Variants in GRIK1 observed in about 807,000 individuals in gnomAD.
GRIK1 encodes glutamate receptor ionotropic, kainate 1.
Under a neutral mutation model 105.7 loss-of-function variants are expected in GRIK1, and 69 were observed. That is an observed-to-expected ratio of 0.65 (90% CI 0.54 to 0.80). The LOEUF is 0.80. Among genes scored for constraint, GRIK1 ranks in the 30% least tolerant of loss-of-function variants. GRIK1 has a pLI of 0.00. For synonymous variants in GRIK1, 438 were observed against 431.3 expected (o/e 1.02, Z -0.19); for missense variants, 1,109 against 1,167.3 (o/e 0.95, Z 0.73).
At chr21:29,846,463 GAGAAAGAAAGAAAGAAAGAAAGAAAGAA>G (rs56303585) in intron 1 of GRIK1, among the ~76,000 whole-genome samples, 21 of 127,986 alleles carry the variant, frequency 1.6e-4, no homozygotes, top group Admixed American at 3.1e-4. Flanking sequence ...GAAAGAGAGA[GAGAAAGAAAGAAAGAAAGAAAGAAAGAA>G]AGAAAGAAAG....
chr21:29,816,652 G>T (rs1020077481), intron 1 of GRIK1, among the ~76,000 whole-genome samples: 4 of 152,096 alleles, frequency 2.6e-5, no homozygotes, highest in Non-Finnish European at 5.9e-5. Context: ...AACATGGATA[G>T]AACTGGAGGT....
At chr21:29,681,214 C>G (rs2063368290) in intron 3 of GRIK1, among the ~76,000 whole-genome samples, 1 of 152,222 alleles carries the variant, frequency 6.6e-6, no homozygotes, top group South Asian at 2.1e-4. Flanking sequence ...CACTGGAGGT[C>G]TTGGAATGTA....
intron 1 of GRIK1, among the ~76,000 whole-genome samples, chr21:29,896,466 T>C (rs1209438280): frequency 1.3e-5 from 2 of 152,196 alleles, no homozygotes; most frequent in Non-Finnish European, 2.9e-5. Flanking sequence ...ATTTTGTCTG[T>C]CTTGTTCCCT....
chr21:29,771,126 T>C (rs186132164), intron 1 of GRIK1, among the ~76,000 whole-genome samples: 2 of 152,344 alleles, frequency 1.3e-5, no homozygotes, highest in East Asian at 3.9e-4. Flanking sequence ...TTTTTAAACA[T>C]TTGAGGTTTT....
chr21:29,890,651 A>T (rs531025854), intron 1 of GRIK1, among the ~76,000 whole-genome samples: 1 of 152,298 alleles, frequency 6.6e-6, no homozygotes, highest in South Asian at 2.1e-4. Flanking sequence ...TTCAGAATTA[A>T]GACTTCAGTA....
At chr21:29,678,631 A>G (rs540949044) in intron 3 of GRIK1, among the ~76,000 whole-genome samples, 9 of 152,328 alleles carry the variant, frequency 5.9e-5, no homozygotes, top group Non-Finnish European at 1.0e-4. Context: ...AGGGTAGAAA[A>G]AAGTGAGTAC....
intron 7 of GRIK1, 64 bp downstream of exon 7, chr21:29,642,762 T>C: frequency 6.7e-7 from 1 of 1,481,912 alleles, no homozygotes; most frequent in Admixed American, 1.7e-5. Context: ...GGGAGGACCA[T>C]ACCAAATGGG....
chr21:29,838,539 C>T (rs149475509), intron 1 of GRIK1, among the ~76,000 whole-genome samples: 3,828 of 152,272 alleles, frequency 0.025, 67 homozygotes, highest in Non-Finnish European at 0.041. Flanking sequence ...GTTCTGGCTC[C>T]TAGTTTAACT....
At chr21:29,722,696 A>G (rs572877657) in intron 1 of GRIK1, among the ~76,000 whole-genome samples, 3 of 152,256 alleles carry the variant, frequency 2.0e-5, no homozygotes, top group Admixed American at 1.3e-4. Context: ...TGTAACATAC[A>G]TTATATACAA....
chr21:29,753,803 G>A (rs981888758), intron 1 of GRIK1, among the ~76,000 whole-genome samples: 3 of 152,172 alleles, frequency 2.0e-5, no homozygotes, highest in African/African-American at 7.2e-5. Flanking sequence ...AAGTCTGTGT[G>A]CCTCAGAAGA....
intron 1 of GRIK1, among the ~76,000 whole-genome samples, chr21:29,717,443 G>T (rs1569009490): frequency 1.3e-5 from 2 of 152,358 alleles, no homozygotes; most frequent in East Asian, 1.9e-4. Flanking sequence ...AGCCAGAGGG[G>T]CAAGTTATCC....
chr21:29,869,795 C>G (rs1310896151), intron 1 of GRIK1, among the ~76,000 whole-genome samples: 1 of 152,136 alleles, frequency 6.6e-6, no homozygotes, highest in Non-Finnish European at 1.5e-5. Flanking sequence ...ATTAAAAAAT[C>G]TATATTCAAA....
chr21:29,735,654 T>C (rs980588722), intron 1 of GRIK1, among the ~76,000 whole-genome samples: 1 of 152,006 alleles, frequency 6.6e-6, no homozygotes, highest in Non-Finnish European at 1.5e-5. Flanking sequence ...CCCAGCACTT[T>C]GGGAGGTCGA....
chr21:29,773,721 C>T (rs1331452538), intron 1 of GRIK1, among the ~76,000 whole-genome samples: 6 of 152,228 alleles, frequency 3.9e-5, no homozygotes, highest in African/African-American at 1.4e-4. Flanking sequence ...CATAGCTTAT[C>T]TAGAAAATGA....
chr21:29,820,798 A>G (rs2067280059), intron 1 of GRIK1, among the ~76,000 whole-genome samples: 1 of 152,072 alleles, frequency 6.6e-6, no homozygotes, highest in Non-Finnish European at 1.5e-5. Flanking sequence ...TAATTGATTT[A>G]TTACTAGGCA....
At chr21:29,929,070 A>G (rs758282882) in intron 1 of GRIK1, among the ~76,000 whole-genome samples, 1 of 152,312 alleles carries the variant, frequency 6.6e-6, no homozygotes, top group African/African-American at 2.4e-5. Context: ...CATGCAGCAT[A>G]TCAGTTCATC....
intron 1 of GRIK1, chr21:29,749,010 C>T (rs2065114717): frequency 6.6e-6 from 1 of 152,196 alleles, no homozygotes; most frequent in African/African-American, 2.4e-5. Context: ...CAGCGTGTCC[C>T]TGGAAGCTAC....
chr21:29,803,487 T>C (rs1489657506), intron 1 of GRIK1, among the ~76,000 whole-genome samples: 2 of 152,090 alleles, frequency 1.3e-5, no homozygotes, highest in African/African-American at 2.4e-5. Context: ...GAGAATGCCA[T>C]GTGTTGTGTT....
At chr21:29,659,081 T>G (rs2146592175) in intron 4 of GRIK1, among the ~76,000 whole-genome samples, 1 of 152,358 alleles carries the variant, frequency 6.6e-6, no homozygotes, top group East Asian at 1.9e-4. Flanking sequence ...ATTTTTCATG[T>G]GCTAATGTCA....
Sources: gnomAD v4.1 joint callset for allele counts (sites outside exome capture counted in the v4.1 genomes callset) on GRCh38, gnomAD v4.1.1 for gene constraint, MANE v1.5 for transcripts, NCBI Gene and HGNC (gene_info 2026-07-23, HGNC 2026-07-21) for gene names.